ATP10B: variants seen among roughly 807,000 people sequenced by gnomAD.
ATP10B encodes the protein phospholipid-transporting ATPase VB.
ATP10B carries 122 observed loss-of-function variants against 141.2 expected under a neutral mutation model. The ratio of observed to expected loss-of-function variants is 0.86; its 90% CI spans 0.75 to 1.00. The LOEUF (loss-of-function observed/expected upper bound fraction) is 1.00. Ranked by LOEUF, ATP10B falls within the 50% of genes least tolerant of loss-of-function variation. The probability of loss-of-function intolerance (pLI) is 0.00; values close to 1 mark genes in which losing one functional copy is unlikely to be tolerated. For synonymous variants in ATP10B, 685 were observed against 692.0 expected (o/e 0.99, Z 0.16); for missense variants, 1,876 against 1,825.3 (o/e 1.03, Z -0.51).
At chr5:160,733,501 A>T (rs1766879227) in intron 2 of ATP10B, among the ~76,000 whole-genome samples, 1 of 152,272 alleles carries the variant, frequency 6.6e-6, no homozygotes, top group South Asian at 2.1e-4. Flanking sequence ...CCATAGGCAC[A>T]TAGATGTGCT....
chr5:160,875,220 G>A, the ATP10B span, among the ~76,000 whole-genome samples: 1 of 89,378 alleles, frequency 1.1e-5, no homozygotes, highest in African/African-American at 3.2e-5. Context: ...AGAGAGTGGG[G>A]GCCAATATTC....
intron 3 of ATP10B, chr5:160,692,696 G>T (rs149785137): frequency 5.9e-4 from 90 of 152,340 alleles, no homozygotes; most frequent in Admixed American, 2.7e-3. Flanking sequence ...AACAGAATCA[G>T]CATGAGGACA....
intron 1 of ATP10B, among the ~76,000 whole-genome samples, chr5:160,811,423 C>A (rs1773143892): frequency 6.6e-6 from 1 of 152,102 alleles, no homozygotes; most frequent in African/African-American, 2.4e-5. Context: ...ATTTCTGGAT[C>A]TGCCCTGGGC....
chr5:160,707,212 C>G (rs1765071768), intron 3 of ATP10B, among the ~76,000 whole-genome samples: 1 of 152,140 alleles, frequency 6.6e-6, no homozygotes, highest in African/African-American at 2.4e-5. Flanking sequence ...CAGCCTCCCA[C>G]AGTGCTGGGA....
At chr5:160,758,585 T>A (rs1447964415) in intron 2 of ATP10B, among the ~76,000 whole-genome samples, 1 of 152,214 alleles carries the variant, frequency 6.6e-6, no homozygotes, top group African/African-American at 2.4e-5. Context: ...AGCTCCAGCC[T>A]CTTTCCCGTA....
chr5:160,874,782 C>T, the ATP10B span, among the ~76,000 whole-genome samples: 1 of 150,562 alleles, frequency 6.6e-6, no homozygotes, highest in Non-Finnish European at 1.5e-5. Context: ...GAAAGGGTAT[C>T]AGCAATGGAA....
intron 8 of ATP10B, among the ~76,000 whole-genome samples, chr5:160,646,535 G>A (rs1760285467): frequency 6.6e-6 from 1 of 152,142 alleles, no homozygotes; most frequent in Admixed American, 6.5e-5. Context: ...AGATAAAATA[G>A]ATTTTACTGA....
At chr5:160,821,897 C>G (rs925013789) in intron 1 of ATP10B, among the ~76,000 whole-genome samples, 3 of 152,152 alleles carry the variant, frequency 2.0e-5, no homozygotes, top group Admixed American at 6.5e-5. Context: ...AGACCTTAAA[C>G]TATGAAACTA....
chr5:160,865,306 A>G, the ATP10B span, among the ~76,000 whole-genome samples: 1 of 152,126 alleles, frequency 6.6e-6, no homozygotes. Context: ...CAAAGCATAC[A>G]AAAACAAGGT....
chr5:160,652,812 TATTATATATTA>T (rs1201133069), intron 7 of ATP10B, among the ~76,000 whole-genome samples: 1 of 95,346 alleles, frequency 1.0e-5, no homozygotes, highest in African/African-American at 4.9e-5. Flanking sequence ...TTATATAATA[TATTATATATTA>T]ATTATATATA....
chr5:160,666,297 T>G (rs1386630398), intron 7 of ATP10B, among the ~76,000 whole-genome samples: 4 of 152,146 alleles, frequency 2.6e-5, no homozygotes, highest in African/African-American at 9.7e-5. Context: ...CATAATTTAC[T>G]GGTGGTGATA....
At chr5:160,705,460 C>A (rs1245238392) in intron 3 of ATP10B, among the ~76,000 whole-genome samples, 1 of 152,074 alleles carries the variant, frequency 6.6e-6, no homozygotes, top group African/African-American at 2.4e-5. Flanking sequence ...AACTCCTGGG[C>A]TAAAGCAATC....
At chr5:160,586,283 C>T (rs1474761381) in intron 24 of ATP10B, among the ~76,000 whole-genome samples, 2 of 152,196 alleles carry the variant, frequency 1.3e-5, no homozygotes, top group Non-Finnish European at 2.9e-5. Context: ...CCAGCTTCAT[C>T]TATGTCCCTG....
chr5:160,900,481 G>A, the ATP10B span, among the ~76,000 whole-genome samples: 17,189 of 152,032 alleles, frequency 0.11, 1,013 homozygotes, highest in Middle Eastern at 0.15. Context: ...TTGAACCTCC[G>A]TCCCCTCCAG....
chr5:160,626,704 C>T (rs1449125334), intron 13 of ATP10B, among the ~76,000 whole-genome samples: 1 of 152,194 alleles, frequency 6.6e-6, no homozygotes, highest in Admixed American at 6.5e-5. Context: ...TTCTGACAAA[C>T]TTTCAGGTGG....
chr5:160,755,824 AAAAAAAAAAAAAAAATATATATATAT>A (rs1372363262), intron 2 of ATP10B, among the ~76,000 whole-genome samples: 6 of 66,162 alleles, frequency 9.1e-5, no homozygotes, highest in African/African-American at 1.2e-4. Context: ...CAAAAAAAAA[AAAAAAAAAAAAAAAATATATATATAT>A]ATATATATAT....
intron 2 of ATP10B, among the ~76,000 whole-genome samples, chr5:160,742,794 G>T (rs528582267): frequency 3.3e-5 from 5 of 152,150 alleles, no homozygotes; most frequent in Non-Finnish European, 2.9e-5. Flanking sequence ...CTAGTTTCTG[G>T]TTCTGGATGA....
chr5:160,815,925 C>T (rs185045202), intron 1 of ATP10B, among the ~76,000 whole-genome samples: 2,015 of 152,032 alleles, frequency 0.013, 127 homozygotes, highest in Admixed American at 0.11. Flanking sequence ...GGGTACATAA[C>T]GAAATGAAGG....
chr5:160,750,928 C>T (rs1023177005), intron 2 of ATP10B, among the ~76,000 whole-genome samples: 2 of 152,184 alleles, frequency 1.3e-5, no homozygotes, highest in African/African-American at 4.8e-5. Flanking sequence ...ACCTGCTCTC[C>T]CCTACACTTT....
Sources: gnomAD v4.1 joint callset for allele counts (sites outside exome capture counted in the v4.1 genomes callset) on GRCh38, gnomAD v4.1.1 for gene constraint, MANE v1.5 for transcripts, NCBI Gene and HGNC (gene_info 2026-07-23, HGNC 2026-07-21) for gene names.